The following P2RX4 variants were observed in gnomAD, a reference collection of about 807,000 sequenced individuals.
The protein encoded by P2RX4 is purinergic receptor P2X 4, also known as P2X purinoceptor 4.
Under a neutral mutation model 48.0 loss-of-function variants are expected in P2RX4, and 37 were observed. That is an observed-to-expected ratio of 0.77 (90% confidence interval 0.59 to 1.01). P2RX4 has a LOEUF of 1.01. Among genes scored for constraint, P2RX4 ranks in the 50% least tolerant of loss-of-function variants. The probability of loss-of-function intolerance (pLI) is 0.00; values close to 1 mark genes in which losing one functional copy is unlikely to be tolerated. For synonymous variants in P2RX4, 200 were observed against 199.7 expected, an observed-to-expected ratio of 1.00 and a Z score of -0.01; for missense variants, 501 against 521.4, an observed-to-expected ratio of 0.96 and a Z score of 0.38.
At chr12:121,228,287 C>G (rs1158211857) in intron 5 of P2RX4, among the ~76,000 whole-genome samples, 1 of 146,562 alleles carries the variant, frequency 6.8e-6, no homozygotes, top group South Asian at 2.2e-4. Context: ...CCCAGCTACA[C>G]GGGAGGCTGA....
At position 121,221,793 on chromosome 12, in the gene P2RX4, G is replaced by T; in HGVS notation, c.283-120G>T. The T allele has an allele frequency of 5.2e-6, 4 of 768,456 alleles. No homozygotes were observed. The South Asian group carries it at 6.0e-5, about 12-fold the overall frequency. 47.6% of individuals were successfully genotyped at this position (768,456 alleles called of 1,614,324 possible). A position where few individuals can be genotyped will look rare whatever the true frequency, so the allele number is the denominator to read the frequency against. ...TTCCATTGGGTTATAAACTTTGATGGGAGAGAGCGGGAGAGCACGCGGTCA... is the reference window on the plus strand; with the variant it reads ...TTCCATTGGGTTATAAACTTTGATGTGAGAGAGCGGGAGAGCACGCGGTCA... On this transcript the variant is annotated intron_variant, in intron 2 of 11. Coordinates refer to ENST00000337233, the MANE Select transcript of P2RX4 (RefSeq NM_002560.3).
In P2RX4 at chr12:121,221,543, G is replaced by A. The variant is rs374909546; in HGVS notation, c.283-370G>A. 1.1e-4 allele frequency among the ~76,000 whole-genome samples: 17 copies of A among 151,866 alleles called. No individual in the cohort carries two copies. In the East Asian group the frequency reaches 1.4e-3, roughly 12 times the overall value. ...CAAGTAGCTGGGACTACAGGTGCCC[G>A]CCATCACACCCGGCTAATTTTTGTA... On this transcript the variant is annotated intron_variant, in intron 2 of 11. Transcript: ENST00000337233.
chr12:121,212,453 G>T (rs1219155508), intron 1 of P2RX4, among the ~76,000 whole-genome samples: 1 of 150,622 alleles, frequency 6.6e-6, no homozygotes, highest in Non-Finnish European at 1.5e-5. Flanking sequence ...AGTTTAAAAT[G>T]GTAAATTGTA....
intron 11 of P2RX4, 130 bp from the exon 12 acceptor site, chr12:121,233,393 G>C: frequency 1.1e-6 from 1 of 921,080 alleles, no homozygotes; most frequent in South Asian, 1.4e-5. Flanking sequence ...TGCGGAACAG[G>C]AAGGGTTGGG....
At chr12:121,224,235 TC>T (rs1886838706) in intron 5 of P2RX4, among the ~76,000 whole-genome samples, 1 of 152,162 alleles carries the variant, frequency 6.6e-6, no homozygotes, top group Admixed American at 6.5e-5. Flanking sequence ...CATTTGGGGT[TC>T]TGTTACCAGA....
At chr12:121,218,433 G>A (rs948244066) in intron 2 of P2RX4, among the ~76,000 whole-genome samples, 4 of 152,050 alleles carry the variant, frequency 2.6e-5, no homozygotes, top group African/African-American at 7.2e-5. Flanking sequence ...GTAGTGAGCC[G>A]AGATAGTGCC....
intron 4 of P2RX4, chr12:121,222,653 C>A: frequency 1.1e-6 from 1 of 897,446 alleles, no homozygotes; most frequent in Non-Finnish European, 1.6e-6. Flanking sequence ...CTCAGGTGAT[C>A]CACCCGCCTC....
chr12:121,215,984 G>C (rs992939091), intron 1 of P2RX4: 9 of 152,184 alleles, frequency 5.9e-5, no homozygotes, highest in African/African-American at 2.2e-4. Flanking sequence ...TCTAGAAAGA[G>C]TAGCCTAGGG....
chr12:121,232,474 T>C lies in P2RX4; in HGVS notation c.945T>C (p.Tyr315=). 3 of 1,614,102 alleles carry C rather than the reference T, an allele frequency of 1.9e-6. No homozygotes were observed. The highest frequency in any genetic ancestry group is 1.7e-6 in the Non-Finnish European group (2 of 1,179,928). ...AGCAGCGCACGCTCATCAAGGCCTA[T>C]GGCATCCGCTTCGACATCATTGTGT... ...GNEQRTLIKA[Y]GIRFDIIVFG... Residue 315 remains tyrosine (Y), a synonymous_variant, in exon 9 of 12, where the codon TAT becomes TAC. Coordinates refer to ENST00000337233, the MANE Select transcript of P2RX4 (RefSeq NM_002560.3). This position sits in a 1 kb window ranked among gnomAD's most constrained non-coding sequence, Gnocchi z 4.3.
rs1388189638 is a variant in P2RX4, at chr12:121,222,831, A to T, written c.428-116A>T. ...CACTGTCTAAATCCCAGATTTGCAC[A>T]GCTCAAGACTGGCTGCATGGGAGGC... is the stretch of plus-strand genomic sequence containing the variant. On this transcript the variant is annotated intron_variant, in intron 4 of 11. Coordinates refer to ENST00000337233, the MANE Select transcript of P2RX4 (RefSeq NM_002560.3). 2.0e-6 allele frequency: 3 copies of T among 1,465,288 alleles called. No individual in the cohort carries two copies. The African/African-American group carries it at 4.2e-5, about 20-fold the overall frequency. The allele number at this position is 1,465,288 out of a possible 1,614,324, so 90.8% of individuals were successfully genotyped here.
intron 5 of P2RX4, among the ~76,000 whole-genome samples, chr12:121,227,782 T>C (rs1174292491): frequency 6.6e-6 from 1 of 152,134 alleles, no homozygotes; most frequent in East Asian, 1.9e-4. Flanking sequence ...GATGTGTGTA[T>C]ATGTTTTTAA....
chr12:121,232,267 A>G lies in P2RX4; in HGVS notation c.885-147A>G. The G allele has an allele frequency of 1.6e-6, 1 of 636,884 alleles. No homozygotes were observed. Among genetic ancestry groups the G allele is most frequent in the Non-Finnish European group, 2.8e-6 (1 of 357,794 alleles). 39.5% of individuals were successfully genotyped at this position (636,884 alleles called of 1,614,324 possible). A position where few individuals can be genotyped will look rare whatever the true frequency, so the allele number is the denominator to read the frequency against. ...TCCTCCTGCTTGCACAGCCCGCCTC[A>G]GCCAGGAGAGGCCCCGAGCCGCTCC... On this transcript the variant is annotated intron_variant, in intron 8 of 11. Coordinates refer to ENST00000337233, the MANE Select transcript of P2RX4 (RefSeq NM_002560.3). The surrounding 1 kb of genome is among the most constrained non-coding windows in gnomAD (Gnocchi z 4.3).
At chr12:121,219,691 T>A in intron 2 of P2RX4, among the ~76,000 whole-genome samples, 2 of 145,454 alleles carry the variant, frequency 1.4e-5, no homozygotes, top group East Asian at 2.0e-4. Flanking sequence ...AATGATAGGA[T>A]AGGAGAAAGA....
In P2RX4 at chr12:121,217,223, A is replaced by G. The variant is rs1365692488; in HGVS notation, c.224A>G (p.Asn75Ser). The G allele has an allele frequency of 6.2e-7, 1 of 1,614,214 alleles. No individual in the cohort carries two copies. Among genetic ancestry groups the G allele is most frequent in the South Asian group, 1.1e-5 (1 of 91,088 alleles). ...TTKVKGVAVT[N>S]TSKLGFRIWD... ...AAGGTCAAGGGCGTGGCTGTGACCA[A>G]CACTTCTAAACTTGGATTCCGGATC... Residue 75 changes from asparagine (N) to serine (S), a missense_variant, in exon 2 of 12, where the codon AAC (asparagine) becomes AGC (serine). By Grantham distance (46) the Asn-to-Ser change is conservative. This residue lies in a region of P2RX4 where 295 missense variants were observed against 275.3 expected (regional missense o/e 1.07). Transcript: ENST00000337233.
Position 121,233,545 on chromosome 12 carries a change from A to G in P2RX4, c.1163A>G (p.Gln388Arg). 6.2e-7 allele frequency: 1 copy of G among 1,609,082 alleles called. No individual in the cohort carries two copies. Among genetic ancestry groups the G allele is most frequent in the South Asian group, 1.1e-5 (1 of 90,072 alleles). The change falls in exon 12 of 12, where the codon CAG (glutamine) becomes CGG (arginine). Residue 388 changes from glutamine to arginine, a missense_variant. Physicochemically the swap from Gln to Arg is conservative, Grantham distance 43. This residue lies in a region of P2RX4 where 197 missense variants were observed against 219.5 expected (regional missense o/e 0.90). Transcript: ENST00000337233. ...YEQGLASELD[Q>R] ...CAGGGTCTTGCTAGTGAGCTGGACC[A>G]GTGAGGCCTACCCCACACCTGGGCT...
intron 1 of P2RX4, chr12:121,213,893 A>G (rs1274841832): frequency 6.6e-6 from 1 of 152,068 alleles, no homozygotes; most frequent in Non-Finnish European, 1.5e-5. Flanking sequence ...TGACATGGCT[A>G]CTAGAAACTT....
intron 8 of P2RX4, among the ~76,000 whole-genome samples, chr12:121,231,083 G>A (rs1887329637): frequency 6.6e-6 from 1 of 151,562 alleles, no homozygotes; most frequent in Non-Finnish European, 1.5e-5. Context: ...TGCCTCCCGG[G>A]TTCAAGACAT....
chr12:121,230,058 C>G (rs1466442317), intron 8 of P2RX4, among the ~76,000 whole-genome samples: 1 of 152,206 alleles, frequency 6.6e-6, no homozygotes, highest in African/African-American at 2.4e-5. Context: ...GAATCTATAG[C>G]CAGGTAAATT....
At chr12:121,230,994 T>TTCTTCTTTTTTAAGGGAG (rs1887322291) in intron 8 of P2RX4, among the ~76,000 whole-genome samples, 1 of 147,452 alleles carries the variant, frequency 6.8e-6, no homozygotes, top group Non-Finnish European at 1.5e-5. Context: ...TTTTTTTTTT[T>TTCTTCTTTTTTAAGGGAG]TCTTCTTTTT....
Sources: gnomAD v4.1 joint callset for allele counts (sites outside exome capture counted in the v4.1 genomes callset) on GRCh38, gnomAD v4.1.1 for gene constraint, gnomAD v4.1.1 regional missense constraint, Gnocchi (gnomAD v3.1) non-coding constraint, MANE v1.5 for transcripts, NCBI Gene and HGNC (gene_info 2026-07-23, HGNC 2026-07-21) for gene names.